The following PAH variants were observed in gnomAD, a reference collection of about 807,000 sequenced individuals.
PAH encodes the protein phenylalanine hydroxylase.
Under a neutral mutation model 62.0 loss-of-function variants are expected in PAH, and 64 were observed. That is an observed-to-expected ratio of 1.03 (90% CI 0.84 to 1.27). The LOEUF (loss-of-function observed/expected upper bound fraction) is 1.27. Ranked by LOEUF, PAH falls within the 50% of genes most tolerant of loss-of-function variation. The pLI, the probability that PAH is intolerant of heterozygous loss-of-function variation, is 0.00. For missense variants in PAH, 579 were observed against 542.8 expected, an observed-to-expected ratio of 1.07 and a Z score of -0.66; for synonymous variants, 195 against 196.2, an observed-to-expected ratio of 0.99 and a Z score of 0.05.
In PAH at chr12:102,877,525, T is replaced by C; in HGVS notation, c.378A>G (p.Gln126=). 6.2e-7 allele frequency: 1 copy of C among 1,614,086 alleles called. No individual in the cohort carries two copies. Among genetic ancestry groups the C allele is most frequent in the Non-Finnish European group, 8.5e-7 (1 of 1,179,982 alleles). ...DTVPWFPRTI[Q]ELDRFANQIL... is the part of the protein sequence containing the mutation. The stretch of plus-strand genomic sequence containing the variant: ...TCTGATTGGCAAATCTGTCCAGCTC[T>C]TGAATGGTTCTTGGGAACCAGGGCA... The change falls in exon 4 of 13, where the codon CAA becomes CAG. Residue 126 remains glutamine, a synonymous_variant. Transcript: ENST00000553106.
intron 1 of PAH, among the ~76,000 whole-genome samples, chr12:102,935,370 T>C (rs1472526233): frequency 6.6e-6 from 1 of 152,092 alleles, no homozygotes. Flanking sequence ...ATTCATGTGT[T>C]TTTATCTGGT....
chr12:102,870,784 C>G (rs538016808), intron 4 of PAH, among the ~76,000 whole-genome samples: 3 of 152,146 alleles, frequency 2.0e-5, no homozygotes, highest in Non-Finnish European at 4.4e-5. Flanking sequence ...AGCTGCCATT[C>G]CCATCCTATA....
intron 11 of PAH, among the ~76,000 whole-genome samples, chr12:102,841,305 G>A (rs150271286): frequency 2.0e-5 from 3 of 152,164 alleles, no homozygotes; most frequent in African/African-American, 2.4e-5. Context: ...ACAAGATGTT[G>A]CAAAGTAATC....
At chr12:102,899,635 G>A (rs556114367) in intron 2 of PAH, among the ~76,000 whole-genome samples, 1 of 151,398 alleles carries the variant, frequency 6.6e-6, no homozygotes, top group South Asian at 2.1e-4. Flanking sequence ...CGAGGCGGGC[G>A]GATCACGAGG....
intron 3 of PAH, among the ~76,000 whole-genome samples, chr12:102,883,621 TC>T (rs1334461243): frequency 6.6e-6 from 1 of 152,128 alleles, no homozygotes; most frequent in Non-Finnish European, 1.5e-5. Flanking sequence ...GCTCACCACA[TC>T]CCAGACCTCT....
At chr12:102,879,965 G>C (rs924774265) in intron 3 of PAH, among the ~76,000 whole-genome samples, 1 of 152,168 alleles carries the variant, frequency 6.6e-6, no homozygotes, top group African/African-American at 2.4e-5. Flanking sequence ...CTGTGTGTTG[G>C]ACACTGCCCT....
At chr12:102,919,593 C>T (rs948083294), upstream of PAH, among the ~76,000 whole-genome samples, 2 of 152,130 alleles carry the variant, frequency 1.3e-5, no homozygotes, top group African/African-American at 4.8e-5. Flanking sequence ...CCCCTCCAGG[C>T]CCCTACTACC....
chr12:102,931,341 G>A lies in PAH; in HGVS notation c.-95-14116C>T, dbSNP rs1878865109. Among the ~76,000 whole-genome samples, 3 of 152,146 alleles carry A rather than the reference G, an allele frequency of 2.0e-5. No homozygotes were observed. In the South Asian group the frequency reaches 6.2e-4, roughly 32 times the overall value. On this transcript the variant is annotated intron_variant, in intron 1 of 3. Coordinates refer to the PAH transcript ENST00000546844. Reference sequence around the variant, plus strand: ...CTCCCCCACAACTTAAAGCTTATGAGAGGGAAATAGCAGTGGGGTGGGTAG... The same window carrying A: ...CTCCCCCACAACTTAAAGCTTATGAAAGGGAAATAGCAGTGGGGTGGGTAG...
chr12:102,844,781 C>T (rs1006043177), intron 9 of PAH, among the ~76,000 whole-genome samples: 1 of 152,194 alleles, frequency 6.6e-6, no homozygotes, highest in Admixed American at 6.5e-5. Flanking sequence ...CTGGGACTCG[C>T]ACCCAACCAC....
At chr12:102,931,858 C>T (rs1032367388) in intron 1 of PAH, among the ~76,000 whole-genome samples, 3 of 152,246 alleles carry the variant, frequency 2.0e-5, no homozygotes, top group African/African-American at 2.4e-5. Context: ...ATCCAATAAA[C>T]GTTGATGCAG....
chr12:102,932,907 C>T (rs1417289086), intron 1 of PAH, among the ~76,000 whole-genome samples: 2 of 152,268 alleles, frequency 1.3e-5, no homozygotes, highest in South Asian at 2.1e-4. Flanking sequence ...GGTCACATTA[C>T]ACATTGCACG....
chr12:102,901,384 G>A (rs1877755368), intron 2 of PAH, among the ~76,000 whole-genome samples: 1 of 152,144 alleles, frequency 6.6e-6, no homozygotes, highest in Admixed American at 6.5e-5. Context: ...GCAGCTTAAT[G>A]AGAGTTTAAA....
intron 3 of PAH, among the ~76,000 whole-genome samples, chr12:102,886,668 C>T (rs1170274352): frequency 6.6e-6 from 1 of 151,968 alleles, no homozygotes; most frequent in Non-Finnish European, 1.5e-5. Context: ...TGGCCCTGCT[C>T]CCCTTCTTCT....
At chr12:102,947,373 A>G (rs1468124339) in intron 1 of PAH, among the ~76,000 whole-genome samples, 1 of 152,308 alleles carries the variant, frequency 6.6e-6, no homozygotes, top group Non-Finnish European at 1.5e-5. Context: ...GCATGATCTC[A>G]GTTTCAAATA....
intron 1 of PAH, among the ~76,000 whole-genome samples, chr12:102,938,177 G>T (rs766912227): frequency 2.6e-5 from 4 of 152,168 alleles, no homozygotes; most frequent in Non-Finnish European, 4.4e-5. Flanking sequence ...GCCCACCAAG[G>T]ATTGGCATGG....
In PAH at chr12:102,958,226, T is replaced by TC. The variant is rs1230873329; in HGVS notation, c.-128dup. The TC allele has an allele frequency of 6.2e-6, 9 of 1,459,578 alleles. No homozygotes were observed. The African/African-American group carries it at 1.2e-4, about 19-fold the overall frequency. 90.4% of individuals were successfully genotyped at this position (1,459,578 alleles called of 1,614,324 possible). A position where few individuals can be genotyped will look rare whatever the true frequency, so the allele number is the denominator to read the frequency against. The stretch of plus-strand genomic sequence containing the variant: ...TCCCGGATCGCTCTGATTCCGCGAC[T>TC]CCTTGGCCGCCGCTGCGCATGGAAA... On this transcript the variant is annotated 5_prime_UTR_variant, in exon 1 of 5. Transcript: ENST00000551337.
chr12:102,891,331 C>A (rs1434855616), intron 3 of PAH, among the ~76,000 whole-genome samples: 2 of 152,056 alleles, frequency 1.3e-5, no homozygotes, highest in Non-Finnish European at 2.9e-5. Context: ...TTGCGCATGA[C>A]CCCCCAGAAC....
chr12:102,858,433 C>T (rs943014425), intron 5 of PAH, among the ~76,000 whole-genome samples: 1 of 152,186 alleles, frequency 6.6e-6, no homozygotes, highest in South Asian at 2.1e-4. Flanking sequence ...AGAAAGTTAA[C>T]AAGGATGTCC....
At chr12:102,876,018 T>C (rs548892297) in intron 4 of PAH, among the ~76,000 whole-genome samples, 1 of 150,394 alleles carries the variant, frequency 6.6e-6, no homozygotes, top group South Asian at 2.1e-4. Context: ...TTGATTATTT[T>C]AGAATAGTGT....
Sources: allele counts gnomAD v4.1 joint callset (sites outside exome capture counted in the v4.1 genomes callset), GRCh38; gene constraint gnomAD v4.1.1; transcripts MANE v1.5; gene names NCBI Gene and HGNC (gene_info 2026-07-23, HGNC 2026-07-21).